Variants in ABCC2 observed in about 807,000 individuals in gnomAD.
ABCC2 encodes ATP-binding cassette sub-family C member 2.
Under a neutral mutation model 173.4 loss-of-function variants are expected in ABCC2, and 157 were observed. That is an observed-to-expected ratio of 0.91 (90% confidence interval 0.80 to 1.03). The LOEUF is 1.03. ABCC2 is among the 50% of genes least tolerant of loss of function. The probability of loss-of-function intolerance (pLI) is 0.00; values close to 1 mark genes in which losing one functional copy is unlikely to be tolerated. For synonymous variants in ABCC2, 657 were observed against 693.5 expected (o/e 0.95, Z 0.83); for missense variants, 1,822 against 1,852.3 (o/e 0.98, Z 0.30).
chr10:99,830,994 C>A, intron 21 of ABCC2, 143 bp downstream of exon 21: 1 of 914,786 alleles, frequency 1.1e-6, no homozygotes, highest in South Asian at 1.5e-5. Context: ...CATTATTAAC[C>A]TGTTAGCAGA....
chr10:99,840,767 A>C (rs1022717317), intron 25 of ABCC2, among the ~76,000 whole-genome samples: 1 of 152,200 alleles, frequency 6.6e-6, no homozygotes, highest in African/African-American at 2.4e-5. Context: ...CGCCCGCCTC[A>C]GCCTCCCAAA....
At chr10:99,810,960 G>A (rs2038201909) in intron 14 of ABCC2, among the ~76,000 whole-genome samples, 1 of 151,886 alleles carries the variant, frequency 6.6e-6, no homozygotes, top group Non-Finnish European at 1.5e-5. Flanking sequence ...GGAGGCAGAG[G>A]TTGTGGTGAG....
intron 28 of ABCC2, 25 bp from the exon 29 acceptor site, chr10:99,845,596 CTAA>C: frequency 6.2e-7 from 1 of 1,613,816 alleles, no homozygotes; most frequent in East Asian, 2.2e-5. Context: ...ATTTGTGGAA[CTAA>C]TGTGTAAGGG....
At chr10:99,814,038 G>C (rs945452812) in intron 16 of ABCC2, among the ~76,000 whole-genome samples, 1 of 149,154 alleles carries the variant, frequency 6.7e-6, no homozygotes, top group African/African-American at 2.6e-5. Flanking sequence ...ATCTGGTGTA[G>C]GGTGTTGTCT....
Position 99,793,992 on chromosome 10 carries a change from C to A in ABCC2, c.569C>A (p.Ser190Ter), listed in dbSNP as rs1207538473. ...TCAGCATTTTCAGAAAATAATGAGTCATCAAATGTGAGATTCTAAATATGC... is the reference window on the plus strand; with the variant it reads ...TCAGCATTTTCAGAAAATAATGAGTAATCAAATGTGAGATTCTAAATATGC... The part of the protein sequence containing the change: ...IFSAFSENNE[S>*]SNNPSSIASF... The change falls in exon 5 of 32, where the codon TCA becomes TAA. Residue 190 changes from serine to a stop codon, truncating the protein, a stop_gained. Coordinates refer to ENST00000647814, the MANE Select transcript of ABCC2 (RefSeq NM_000392.5). LOFTEE classifies it high-confidence loss of function. 6.2e-7 allele frequency: 1 copy of A among 1,602,006 alleles called. No individual in the cohort carries two copies. The highest frequency in any genetic ancestry group is 2.2e-5 in the East Asian group (1 of 44,804).
chr10:99,820,779 A>T (rs1416330764), intron 19 of ABCC2, among the ~76,000 whole-genome samples: 1 of 152,166 alleles, frequency 6.6e-6, no homozygotes, highest in Non-Finnish European at 1.5e-5. Flanking sequence ...TATGTGCTCC[A>T]GGTAGTAGCG....
intron 19 of ABCC2, among the ~76,000 whole-genome samples, chr10:99,825,640 G>A (rs537113500): frequency 7.0e-4 from 106 of 152,136 alleles, no homozygotes; most frequent in African/African-American, 2.3e-3. Context: ...ACTGAATTTC[G>A]CCTTTATAGT....
rs201820826 is a variant in ABCC2, at chr10:99,819,237, T to C, written c.2588T>C (p.Leu863Pro). The change falls in exon 19 of 32, where the codon CTA (leucine) becomes CCA (proline). Residue 863 changes from leucine (L) to proline (P), a missense_variant. Leu to Pro is a moderately conservative substitution (Grantham distance 98, BLOSUM62 -3). Transcript: ENST00000647814. The stretch of plus-strand genomic sequence containing the variant: ...TTTGCTAAGAATCTGAAGACATTTC[T>C]AAGACATACAGGCCCTGAAGAGGAA... ...GEFAKNLKTF[L>P]RHTGPEEEAT... 68 of 1,614,048 alleles carry C rather than the reference T, an allele frequency of 4.2e-5. No individual in the cohort carries two copies. Among genetic ancestry groups the C allele is most frequent in the Admixed American group, 6.7e-5 (4 of 60,020 alleles).
At chr10:99,845,833 A>G in intron 29 of ABCC2, 51 bp downstream of exon 29, 1 of 1,555,774 alleles carries the variant, frequency 6.4e-7, no homozygotes, top group Non-Finnish European at 8.7e-7. Flanking sequence ...AGCTTGTTTT[A>G]CAGGAAACAT....
chr10:99,829,496 T>C (rs2038702693), intron 19 of ABCC2, among the ~76,000 whole-genome samples: 2 of 152,200 alleles, frequency 1.3e-5, no homozygotes, highest in South Asian at 4.1e-4. Flanking sequence ...GGAGTAGATA[T>C]CTGGAGGTTC....
intron 12 of ABCC2, 123 bp downstream of exon 12, chr10:99,807,644 C>T (rs2038135900): frequency 7.1e-7 from 1 of 1,404,980 alleles, no homozygotes; most frequent in Non-Finnish European, 1.0e-6. Context: ...ATCCAGGGGA[C>T]TTGTCCCTCT....
At chr10:99,802,986 CA>C (rs1447911274) in intron 9 of ABCC2, among the ~76,000 whole-genome samples, 2 of 152,104 alleles carry the variant, frequency 1.3e-5, no homozygotes, top group Non-Finnish European at 2.9e-5. Context: ...ATTTATTTTT[CA>C]AGACGGAGTC....
intron 7 of ABCC2, 66 bp downstream of exon 7, chr10:99,797,397 T>C (rs1245624823): frequency 1.4e-6 from 2 of 1,400,780 alleles, no homozygotes; most frequent in Non-Finnish European, 9.9e-7. Context: ...ATCAGCATCA[T>C]GGCGATTCTG....
intron 11 of ABCC2, 35 bp from the exon 12 acceptor site, chr10:99,807,349 A>G (rs971796208): frequency 1.9e-5 from 31 of 1,614,032 alleles, no homozygotes; most frequent in Non-Finnish European, 2.6e-5. Flanking sequence ...TTTCAGGGGC[A>G]ATCATGTGAG....
At chr10:99,805,267 C>T (rs1048426411) in intron 10 of ABCC2, 115 bp from the exon 11 acceptor site, 5 of 879,134 alleles carry the variant, frequency 5.7e-6, no homozygotes, top group Non-Finnish European at 9.3e-6. Context: ...CTGGGCACCT[C>T]AAGTTCTTAC....
At chr10:99,809,869 G>A (rs2038179454) in intron 13 of ABCC2, among the ~76,000 whole-genome samples, 1 of 152,230 alleles carries the variant, frequency 6.6e-6, no homozygotes, top group Non-Finnish European at 1.5e-5. Context: ...TGTCTTAGAA[G>A]GCAGGAGGTA....
rs1272765192 is a variant in ABCC2, at chr10:99,810,139, T to C, written c.1821T>C (p.Ser607=). Residue 607 remains serine (S), a synonymous_variant, in exon 14 of 32, where the codon AGT becomes AGC. Coordinates refer to ENST00000647814, the MANE Select transcript of ABCC2 (RefSeq NM_000392.5). ...TCCTTTGTGTCCTTCTCTAGGCCAGTGTTTCCACAGAGCGGCTAGAGAAGT... is the reference window on the plus strand; with the variant it reads ...TCCTTTGTGTCCTTCTCTAGGCCAGCGTTTCCACAGAGCGGCTAGAGAAGT... ...PMMISSMLQA[S]VSTERLEKYL... is the part of the protein sequence containing the mutation. The C allele has an allele frequency of 6.2e-7, 1 of 1,613,378 alleles. No individual in the cohort carries two copies.
rs1332061232 is a variant in ABCC2, at chr10:99,814,270, T to TACACACGTATGTATAC, written c.2094+1148_2094+1163dup. Among the ~76,000 whole-genome samples, 5 of 27,086 alleles carry TACACACGTATGTATAC rather than the reference T, an allele frequency of 1.8e-4. 1 individual carries two copies. Among genetic ancestry groups the TACACACGTATGTATAC allele is most frequent in the Admixed American group, 3.5e-4 (1 of 2,844 alleles). The allele number at this position is 27,086 out of a possible 152,430, so 17.8% of individuals were successfully genotyped here. ...ACACGTATGTATACACACGTATGTA[T>TACACACGTATGTATAC]ACACACGTATGTATACACACACGTA... On this transcript the variant is annotated intron_variant, in intron 16 of 31. Transcript: ENST00000647814.
intron 25 of ABCC2, among the ~76,000 whole-genome samples, chr10:99,841,632 G>T (rs2038946085): frequency 6.6e-6 from 1 of 152,102 alleles, no homozygotes; most frequent in Non-Finnish European, 1.5e-5. Flanking sequence ...TAAAGGAAAG[G>T]GTCCAGGAAT....
Sources: allele counts gnomAD v4.1 joint callset (sites outside exome capture counted in the v4.1 genomes callset), GRCh38; gene constraint gnomAD v4.1.1; transcripts MANE v1.5; gene names NCBI Gene and HGNC (gene_info 2026-07-23, HGNC 2026-07-21).